FILIP1L: variants seen among roughly 807,000 people sequenced by gnomAD.
The protein encoded by FILIP1L is filamin A interacting protein 1 like.
FILIP1L carries 55 observed loss-of-function variants against 96.6 expected under a neutral mutation model. That is an observed-to-expected ratio of 0.57 (90% confidence interval 0.46 to 0.71). The LOEUF (loss-of-function observed/expected upper bound fraction) is 0.71, where lower values mean the gene tolerates loss of function less well. Among genes scored for constraint, FILIP1L ranks in the 30% least tolerant of loss-of-function variants. FILIP1L has a pLI of 0.00. For missense variants in FILIP1L, 1,304 were observed against 1,321.2 expected, an observed-to-expected ratio of 0.99 and a Z score of 0.20; for synonymous variants, 467 against 473.9, an observed-to-expected ratio of 0.99 and a Z score of 0.19.
chr3:99,903,875 G>A (rs1706525130), intron 4 of FILIP1L, among the ~76,000 whole-genome samples: 1 of 152,088 alleles, frequency 6.6e-6, no homozygotes, highest in African/African-American at 2.4e-5. Context: ...GTCGTCCCCT[G>A]CTGCTTCATT....
chr3:99,918,427 C>G (rs1025085426), intron 4 of FILIP1L, among the ~76,000 whole-genome samples: 1 of 152,146 alleles, frequency 6.6e-6, no homozygotes, highest in Admixed American at 6.5e-5. Context: ...TTCTTTTTAG[C>G]ATTCATAGTA....
intron 1 of FILIP1L, among the ~76,000 whole-genome samples, chr3:100,014,522 A>G (rs554842215): frequency 6.6e-4 from 100 of 152,294 alleles, no homozygotes; most frequent in Admixed American, 4.6e-3. Context: ...TCTGTTTGAT[A>G]ATAACCATTC....
chr3:99,939,068 G>T (rs1313578467), intron 1 of FILIP1L, among the ~76,000 whole-genome samples: 2 of 152,174 alleles, frequency 1.3e-5, no homozygotes, highest in Non-Finnish European at 2.9e-5. Flanking sequence ...ACAAGGGATT[G>T]GAAAGTGGGG....
At chr3:99,997,275 T>A (rs1234843077) in intron 1 of FILIP1L, among the ~76,000 whole-genome samples, 3 of 152,156 alleles carry the variant, frequency 2.0e-5, no homozygotes, top group Non-Finnish European at 4.4e-5. Context: ...AAAGGAGGCA[T>A]TTTTTACAAC....
At chr3:100,062,772 G>C (rs946469016) in intron 1 of FILIP1L, among the ~76,000 whole-genome samples, 2 of 152,152 alleles carry the variant, frequency 1.3e-5, no homozygotes, top group African/African-American at 4.8e-5. Flanking sequence ...GCTTTGTCCT[G>C]GTTCCTCAGC....
chr3:100,088,438 G>A (rs944706000), intron 1 of FILIP1L, among the ~76,000 whole-genome samples: 12 of 152,154 alleles, frequency 7.9e-5, no homozygotes, highest in African/African-American at 2.9e-4. Flanking sequence ...CTAATATATG[G>A]ATAACTAAAT....
chr3:99,945,185 C>G (rs1451251659), intron 1 of FILIP1L, among the ~76,000 whole-genome samples: 1 of 152,182 alleles, frequency 6.6e-6, no homozygotes, highest in Non-Finnish European at 1.5e-5. Flanking sequence ...GTCCTGGGTT[C>G]TTCAGACTGA....
At position 100,016,261 on chromosome 3, in the gene FILIP1L, C is replaced by T. The variant is rs375558691; in HGVS notation, c.-10-85231G>A. On this transcript the variant is annotated intron_variant, in intron 1 of 5. Transcript: ENST00000477258. ...AGGCTGGAGTGCAATGGTGCGATCTCGGCTCACTGCAACCTCCGCCTCCTG... is the reference window on the plus strand; with the variant it reads ...AGGCTGGAGTGCAATGGTGCGATCTTGGCTCACTGCAACCTCCGCCTCCTG... Among the ~76,000 whole-genome samples, 301 of 152,218 alleles carry T rather than the reference C, an allele frequency of 2.0e-3. 4 individuals carry two copies. The East Asian group carries it at 0.022, about 11-fold the overall frequency.
At chr3:100,001,646 C>T (rs1036240580) in intron 1 of FILIP1L, among the ~76,000 whole-genome samples, 2 of 152,150 alleles carry the variant, frequency 1.3e-5, no homozygotes, top group Admixed American at 6.5e-5. Context: ...GTCTTCCTGT[C>T]AGGCAGGTCA....
At chr3:99,930,123 C>T in intron 2 of FILIP1L, 94 bp from the exon 3 acceptor site, 1 of 987,568 alleles carries the variant, frequency 1.0e-6, no homozygotes, top group Admixed American at 2.5e-5. Context: ...TTTTTCTTCT[C>T]TTTCAAATCT....
chr3:99,985,838 C>T (rs1344616134), intron 1 of FILIP1L, among the ~76,000 whole-genome samples: 1 of 152,172 alleles, frequency 6.6e-6, no homozygotes, highest in Non-Finnish European at 1.5e-5. Flanking sequence ...ATCCACCCAC[C>T]TCGGCCTCCC....
At chr3:100,097,693 C>T (rs2066235078) in intron 1 of FILIP1L, among the ~76,000 whole-genome samples, 1 of 152,144 alleles carries the variant, frequency 6.6e-6, no homozygotes, top group Non-Finnish European at 1.5e-5. Flanking sequence ...AGGTTATTTT[C>T]AGCACCATTA....
intron 1 of FILIP1L, among the ~76,000 whole-genome samples, chr3:100,011,081 T>C (rs891614881): frequency 6.6e-6 from 1 of 152,164 alleles, no homozygotes; most frequent in African/African-American, 2.4e-5. Flanking sequence ...TGGTCTGTGA[T>C]AATAGAAGAT....
intron 1 of FILIP1L, among the ~76,000 whole-genome samples, chr3:99,968,065 A>T (rs1708705638): frequency 2.0e-5 from 3 of 152,208 alleles, no homozygotes; most frequent in Admixed American, 2.0e-4. Flanking sequence ...CCTTGGGGAA[A>T]ACATGTACAA....
chr3:99,979,773 G>C (rs1198210457), intron 1 of FILIP1L, among the ~76,000 whole-genome samples: 2 of 152,138 alleles, frequency 1.3e-5, no homozygotes, highest in Admixed American at 1.3e-4. Flanking sequence ...GATATAAAGA[G>C]GAATGGGACA....
chr3:99,957,808 A>G (rs1427447095), intron 1 of FILIP1L, among the ~76,000 whole-genome samples: 3 of 147,616 alleles, frequency 2.0e-5, no homozygotes, highest in Non-Finnish European at 3.0e-5. Flanking sequence ...GCTTTTTCAC[A>G]CATAGCTTGT....
intron 1 of FILIP1L, among the ~76,000 whole-genome samples, chr3:100,036,662 G>A (rs746308025): frequency 1.3e-5 from 2 of 152,194 alleles, no homozygotes; most frequent in African/African-American, 2.4e-5. Context: ...ATCAATGGCT[G>A]CTGAAACAAT....
intron 5 of FILIP1L, among the ~76,000 whole-genome samples, chr3:99,837,881 C>G (rs1942965577): frequency 6.6e-6 from 1 of 152,198 alleles, no homozygotes; most frequent in African/African-American, 2.4e-5. Flanking sequence ...GTGGCTGGAC[C>G]TTGATCCCTT....
rs373797548 is a variant in FILIP1L at position 99,853,570 on chromosome 3, T to C, written c.606-2500A>G. ...ATTCAGTTGCTTCCATTTTGTTCAG[T>C]GTTTTTGGAGTAGGCATGATGCATA... On this transcript the variant is annotated intron_variant, in intron 4 of 5. Coordinates refer to ENST00000477258, the MANE Select transcript of FILIP1L (RefSeq NM_001387850.1). Among the ~76,000 whole-genome samples, 5 of 152,314 alleles carry C rather than the reference T, an allele frequency of 3.3e-5. No homozygotes were observed. In the East Asian group the frequency reaches 7.7e-4, roughly 23 times the overall value.
Sources: gnomAD v4.1 joint callset for allele counts (sites outside exome capture counted in the v4.1 genomes callset) on GRCh38, gnomAD v4.1.1 for gene constraint, MANE v1.5 for transcripts, NCBI Gene and HGNC (gene_info 2026-07-23, HGNC 2026-07-21) for gene names.